Variants in RALGPS1 observed in about 807,000 individuals in gnomAD.
The protein encoded by RALGPS1 is Ral GEF with PH domain and SH3 binding motif 1.
In RALGPS1, 19 loss-of-function variants were observed where a neutral mutation model predicts 78.8. The ratio of observed to expected loss-of-function variants is 0.24; its 90% CI spans 0.17 to 0.35. The LOEUF is 0.35. Among genes scored for constraint, RALGPS1 ranks in the 10% least tolerant of loss-of-function variants. The probability of loss-of-function intolerance (pLI) is 1.00; values close to 1 mark genes in which losing one functional copy is unlikely to be tolerated. For synonymous variants in RALGPS1, 228 were observed against 256.3 expected, an observed-to-expected ratio of 0.89 and a Z score of 1.06; for missense variants, 454 against 688.3, an observed-to-expected ratio of 0.66 and a Z score of 3.81.
intron 4 of RALGPS1, among the ~76,000 whole-genome samples, chr9:126,999,139 C>T (rs2043050923): frequency 6.6e-6 from 1 of 151,350 alleles, no homozygotes. Context: ...GCACGTTGTG[C>T]ACATGTACCC....
At chr9:127,105,546 T>C (rs1351774500) in intron 8 of RALGPS1, among the ~76,000 whole-genome samples, 2 of 152,228 alleles carry the variant, frequency 1.3e-5, no homozygotes, top group Non-Finnish European at 2.9e-5. Flanking sequence ...GCCACGTCTA[T>C]CTAATCTCTC....
At position 127,174,750 on chromosome 9, in the gene RALGPS1, C is replaced by G; in HGVS notation, c.878C>G (p.Pro293Arg). The G allele has an allele frequency of 1.2e-6, 2 of 1,614,192 alleles. No individual in the cohort carries two copies. Among genetic ancestry groups the G allele is most frequent in the East Asian group, 2.2e-5 (1 of 44,884 alleles). ...AGAATCGAACCAGGAAGCAGCTCTCCAAGACTAGTCTCTTCCAAGGAAGAT... is the reference window on the plus strand; with the variant it reads ...AGAATCGAACCAGGAAGCAGCTCTCGAAGACTAGTCTCTTCCAAGGAAGAT... ...SLRIEPGSSS[P>R]RLVSSKEDLA... The change falls in exon 11 of 19, where the codon CCA becomes CGA. Residue 293 changes from proline to arginine, a missense_variant. Pro to Arg is a moderately radical substitution (Grantham distance 103). Transcript: ENST00000259351.
At position 127,033,242 on chromosome 9, in the gene RALGPS1, G is replaced by A. The variant is rs187179795; in HGVS notation, c.217-1189G>A. Among the ~76,000 whole-genome samples, 425 of 152,328 alleles carry A rather than the reference G, an allele frequency of 2.8e-3. 2 individuals carry two copies. Among genetic ancestry groups the A allele is most frequent in the African/African-American group, 9.4e-3 (392 of 41,574 alleles). ...GTCTCGGCCTCTGGCTGGTTCCTCT[G>A]TGTTCCTAAGTCCAGGGCATTCATC... is the stretch of plus-strand genomic sequence containing the variant. On this transcript the variant is annotated intron_variant, in intron 4 of 18. Transcript: ENST00000259351.
chr9:126,931,392 G>T (rs541618939), intron 1 of RALGPS1, among the ~76,000 whole-genome samples: 2 of 152,272 alleles, frequency 1.3e-5, no homozygotes, highest in South Asian at 4.1e-4. Context: ...TTAATGAACA[G>T]ATAAACCAAA....
At chr9:126,991,161 CTGTTT>C (rs1191111387) in intron 4 of RALGPS1, among the ~76,000 whole-genome samples, 1 of 152,218 alleles carries the variant, frequency 6.6e-6, no homozygotes, top group Non-Finnish European at 1.5e-5. Context: ...AGAAATTGGT[CTGTTT>C]TAACAGTTTC....
intron 4 of RALGPS1, among the ~76,000 whole-genome samples, chr9:126,996,887 T>C (rs2042818531): frequency 6.6e-6 from 1 of 152,146 alleles, no homozygotes; most frequent in Admixed American, 6.5e-5. Flanking sequence ...CATACACAAA[T>C]CAATAAATGT....
chr9:127,136,728 T>G (rs1297656889), intron 8 of RALGPS1, among the ~76,000 whole-genome samples: 1 of 152,046 alleles, frequency 6.6e-6, no homozygotes, highest in Non-Finnish European at 1.5e-5. Flanking sequence ...CTCATTGTGA[T>G]CACGCAGGAC....
rs749447641 is a variant in RALGPS1 at position 127,170,354 on chromosome 9, A to G, written c.842+1582A>G. Among the ~76,000 whole-genome samples, 15 of 152,352 alleles carry G rather than the reference A, an allele frequency of 9.8e-5. No individual in the cohort carries two copies. In the Middle Eastern group the frequency reaches 0.01, roughly 104 times the overall value. On this transcript the variant is annotated intron_variant, in intron 10 of 18. Coordinates refer to ENST00000259351, the MANE Select transcript of RALGPS1 (RefSeq NM_014636.3). ...GGGCCTGAAAAATCTGTATTTTTTC[A>G]AAGCTCCCTAGGTGGTGCTAATGAT...
In RALGPS1 at chr9:127,155,719, G is replaced by A. The variant is rs116334088; in HGVS notation, c.611-10350G>A. Among the ~76,000 whole-genome samples, 419 of 152,282 alleles carry A rather than the reference G, an allele frequency of 2.8e-3. 1 individual carries two copies. Among genetic ancestry groups the A allele is most frequent in the African/African-American group, 9.8e-3 (406 of 41,534 alleles). ...AGAGAGCAAAAGCAGGGAGATGTATGAGGGGATAGGAAGCACTAACAGATT... is the reference window on the plus strand; with the variant it reads ...AGAGAGCAAAAGCAGGGAGATGTATAAGGGGATAGGAAGCACTAACAGATT... On this transcript the variant is annotated intron_variant, in intron 8 of 18. Coordinates refer to ENST00000259351, the MANE Select transcript of RALGPS1 (RefSeq NM_014636.3).
intron 3 of RALGPS1, among the ~76,000 whole-genome samples, chr9:126,975,780 T>C (rs1222700340): frequency 6.6e-6 from 1 of 152,178 alleles, no homozygotes; most frequent in Non-Finnish European, 1.5e-5. Context: ...TACATTATGC[T>C]GATGTCAAGA....
chr9:127,074,117 G>A (rs1341030224), intron 8 of RALGPS1, among the ~76,000 whole-genome samples: 3 of 152,044 alleles, frequency 2.0e-5, no homozygotes, highest in African/African-American at 7.2e-5. Flanking sequence ...CCTGACCTCA[G>A]GTGATCTGCC....
chr9:127,001,181 G>C (rs12551013), intron 4 of RALGPS1, among the ~76,000 whole-genome samples: 1 of 151,814 alleles, frequency 6.6e-6, no homozygotes, highest in African/African-American at 2.4e-5. Context: ...CCAGCTATTA[G>C]GAGGCTGAGG....
chr9:127,007,489 G>A (rs891329060), intron 4 of RALGPS1, among the ~76,000 whole-genome samples: 1 of 152,176 alleles, frequency 6.6e-6, no homozygotes. Flanking sequence ...GGAATTACAC[G>A]TGCCGTAGAA....
At chr9:127,201,817 A>G (rs942928820) in intron 14 of RALGPS1, among the ~76,000 whole-genome samples, 7 of 152,200 alleles carry the variant, frequency 4.6e-5, no homozygotes, top group African/African-American at 9.6e-5. Context: ...CCCAGAGGCC[A>G]GCACCTGCCC....
intron 4 of RALGPS1, among the ~76,000 whole-genome samples, chr9:127,003,834 T>C (rs1466151963): frequency 6.6e-6 from 1 of 152,212 alleles, no homozygotes; most frequent in Non-Finnish European, 1.5e-5. Flanking sequence ...AAAAAGTGAC[T>C]GTATCATTTC....
At chr9:126,982,923 TTCTTC>T (rs199833576) in intron 4 of RALGPS1, among the ~76,000 whole-genome samples, 6,037 of 85,220 alleles carry the variant, frequency 0.071, 566 homozygotes, top group East Asian at 0.22. Flanking sequence ...CTTCTTCTTC[TTCTTC>T]TTTTTTTTTT....
At chr9:127,080,063 G>T (rs900903048) in intron 8 of RALGPS1, among the ~76,000 whole-genome samples, 1 of 152,216 alleles carries the variant, frequency 6.6e-6, no homozygotes, top group Non-Finnish European at 1.5e-5. Context: ...GAGGTGGGGG[G>T]ATTCGATAGG....
At chr9:126,973,658 AGT>A in intron 3 of RALGPS1, among the ~76,000 whole-genome samples, 1 of 152,146 alleles carries the variant, frequency 6.6e-6, no homozygotes, top group Non-Finnish European at 1.5e-5. Flanking sequence ...ACAATTCAGC[AGT>A]GTTAAGTACA....
At position 127,152,121 on chromosome 9, in the gene RALGPS1, C is replaced by T. The variant is rs117286861; in HGVS notation, c.611-13948C>T. 2.1e-3 allele frequency among the ~76,000 whole-genome samples: 323 copies of T among 152,266 alleles called. 1 individual carries two copies. Among genetic ancestry groups the T allele is most frequent in the Non-Finnish European group, 3.6e-3 (246 of 68,020 alleles). On this transcript the variant is annotated intron_variant, in intron 8 of 18. Transcript: ENST00000259351. ...CCGCAGTTTCATCTCTGACAGTTCT[C>T]TCTTATCACAGAAACCTTGTCTTCT...
Sources: gnomAD v4.1 joint callset for allele counts (sites outside exome capture counted in the v4.1 genomes callset) on GRCh38, gnomAD v4.1.1 for gene constraint, MANE v1.5 for transcripts, NCBI Gene and HGNC (gene_info 2026-07-23, HGNC 2026-07-21) for gene names.